The following CERS6 variants were observed in gnomAD, a reference collection of about 807,000 sequenced individuals.
CERS6 encodes LAG1 homolog, ceramide synthase 6.
Under a neutral mutation model 56.8 loss-of-function variants are expected in CERS6, and 26 were observed. The ratio of observed to expected loss-of-function variants is 0.46; its 90% CI spans 0.34 to 0.63. The LOEUF (loss-of-function observed/expected upper bound fraction) is 0.63. CERS6 is among the 30% of genes least tolerant of loss of function. The pLI is 0.01. For synonymous variants in CERS6, 164 were observed against 173.3 expected, an observed-to-expected ratio of 0.95 and a Z score of 0.42; for missense variants, 415 against 467.5, an observed-to-expected ratio of 0.89 and a Z score of 1.04.
intron 4 of CERS6, among the ~76,000 whole-genome samples, chr2:168,655,734 G>A (rs1358400987): frequency 6.6e-6 from 1 of 152,168 alleles, no homozygotes; most frequent in Admixed American, 6.5e-5. Context: ...AAAATAGGGA[G>A]AGGTAAGTCA....
intron 8 of CERS6, among the ~76,000 whole-genome samples, chr2:168,752,018 CT>C (rs1684284414): frequency 6.6e-6 from 1 of 152,116 alleles, no homozygotes; most frequent in Non-Finnish European, 1.5e-5. Context: ...GGTACCTAGT[CT>C]TATCTATCTT....
chr2:168,535,722 G>T (rs1695251482), intron 1 of CERS6, among the ~76,000 whole-genome samples: 3 of 111,912 alleles, frequency 2.7e-5, no homozygotes, highest in Non-Finnish European at 3.7e-5. Context: ...TATGTCTATT[G>T]GTCATTTGTT....
intron 4 of CERS6, among the ~76,000 whole-genome samples, chr2:168,676,294 C>T (rs936360314): frequency 1.3e-5 from 2 of 152,122 alleles, no homozygotes; most frequent in South Asian, 4.1e-4. Flanking sequence ...ATCTATTAAT[C>T]TCTTCCTTTG....
chr2:168,727,477 A>AG (rs1683383562), intron 8 of CERS6, among the ~76,000 whole-genome samples: 2 of 151,262 alleles, frequency 1.3e-5, no homozygotes, highest in Admixed American at 1.3e-4. Context: ...AGAACCTGGG[A>AG]GGCGAAGGTT....
intron 2 of CERS6, among the ~76,000 whole-genome samples, chr2:168,551,171 C>G (rs1413241153): frequency 2.0e-5 from 3 of 152,226 alleles, no homozygotes; most frequent in Non-Finnish European, 4.4e-5. Context: ...TGTGACAGCA[C>G]AGGTCACATG....
At chr2:168,605,700 G>C (rs562266174) in intron 3 of CERS6, among the ~76,000 whole-genome samples, 86 of 152,308 alleles carry the variant, frequency 5.6e-4, no homozygotes, top group African/African-American at 1.9e-3. Context: ...AGCTGCTCCA[G>C]CCATGGCTCA....
chr2:168,598,511 A>C (rs1683855735), intron 3 of CERS6, among the ~76,000 whole-genome samples: 1 of 152,086 alleles, frequency 6.6e-6, no homozygotes, highest in Admixed American at 6.5e-5. Context: ...ATAGTGGTTT[A>C]CTGGAATATG....
chr2:168,698,472 G>A (rs1322452926), intron 6 of CERS6, among the ~76,000 whole-genome samples: 2 of 152,000 alleles, frequency 1.3e-5, no homozygotes, highest in South Asian at 2.1e-4. Flanking sequence ...GCAAAAGAGA[G>A]GGAAAGGTGC....
intron 8 of CERS6, among the ~76,000 whole-genome samples, chr2:168,731,419 T>C (rs761298818): frequency 5.3e-5 from 8 of 152,188 alleles, no homozygotes; most frequent in African/African-American, 1.9e-4. Flanking sequence ...AAGGAAAAAT[T>C]TCTAGTTATC....
At chr2:168,664,627 T>C (rs1685711584) in intron 4 of CERS6, among the ~76,000 whole-genome samples, 1 of 152,160 alleles carries the variant, frequency 6.6e-6, no homozygotes, top group Non-Finnish European at 1.5e-5. Context: ...TTAGACCATA[T>C]AGGGTAACTT....
intron 4 of CERS6, among the ~76,000 whole-genome samples, chr2:168,667,167 C>T (rs1411446471): frequency 6.6e-6 from 1 of 152,158 alleles, no homozygotes; most frequent in Non-Finnish European, 1.5e-5. Context: ...TTGGGATTTT[C>T]TGTGTTTAAC....
At chr2:168,507,137 T>C (rs1288916736) in intron 1 of CERS6, among the ~76,000 whole-genome samples, 1 of 152,154 alleles carries the variant, frequency 6.6e-6, no homozygotes, top group Non-Finnish European at 1.5e-5. Flanking sequence ...TTCTAAGTGC[T>C]TCAGTATGCT....
At chr2:168,498,759 G>T (rs971050557) in intron 1 of CERS6, among the ~76,000 whole-genome samples, 3 of 152,226 alleles carry the variant, frequency 2.0e-5, no homozygotes, top group African/African-American at 7.2e-5. Flanking sequence ...GTCAGTCCTT[G>T]CGCTGAAACG....
chr2:168,676,775 G>T (rs1319197669), intron 4 of CERS6, among the ~76,000 whole-genome samples: 1 of 152,214 alleles, frequency 6.6e-6, no homozygotes, highest in Non-Finnish European at 1.5e-5. Flanking sequence ...TGCTGCATGT[G>T]TACTTCTCAT....
intron 8 of CERS6, among the ~76,000 whole-genome samples, chr2:168,743,389 C>T (rs550166824): frequency 6.6e-6 from 1 of 152,108 alleles, no homozygotes; most frequent in Admixed American, 6.5e-5. Context: ...AATCCCACCA[C>T]TTTGGGAGGC....
chr2:168,719,213 C>T (rs1687300015), intron 8 of CERS6, among the ~76,000 whole-genome samples: 1 of 152,164 alleles, frequency 6.6e-6, no homozygotes, highest in Admixed American at 6.5e-5. Flanking sequence ...TGAATTCCTA[C>T]AGGTCCTTTT....
chr2:168,604,949 T>TA (rs1367639483), intron 3 of CERS6, among the ~76,000 whole-genome samples: 1 of 152,198 alleles, frequency 6.6e-6, no homozygotes, highest in Non-Finnish European at 1.5e-5. Context: ...ATATAAAAAA[T>TA]ACCTGAAAAT....
At chr2:168,685,422 G>C (rs991320653) in intron 4 of CERS6, among the ~76,000 whole-genome samples, 1 of 152,126 alleles carries the variant, frequency 6.6e-6, no homozygotes, top group Non-Finnish European at 1.5e-5. Flanking sequence ...TGGTTAATCA[G>C]ATATCCTTTT....
At chr2:168,572,223 T>C (rs1357290525) in intron 3 of CERS6, among the ~76,000 whole-genome samples, 1 of 152,180 alleles carries the variant, frequency 6.6e-6, no homozygotes, top group Admixed American at 6.5e-5. Flanking sequence ...TAGTATATAA[T>C]AGGTTTTCTT....
Sources: gnomAD v4.1 joint callset for allele counts (sites outside exome capture counted in the v4.1 genomes callset) on GRCh38, gnomAD v4.1.1 for gene constraint, MANE v1.5 for transcripts, NCBI Gene and HGNC (gene_info 2026-07-23, HGNC 2026-07-21) for gene names.